Variants in LRRC53 observed in about 807,000 individuals in gnomAD.
LRRC53 encodes the protein leucine rich repeat containing 53, also known as leucine-rich repeat-containing protein 53.
A neutral mutation model predicts 13.6 loss-of-function variants in LRRC53; 25 were observed. That is an observed-to-expected ratio of 1.83 (90% CI 1.34 to 2.56). The LOEUF (loss-of-function observed/expected upper bound fraction) is 2.56, where lower values mean the gene tolerates loss of function less well. LRRC53 is among the 30% of genes most tolerant of loss of function. The probability of loss-of-function intolerance (pLI) is 0.00; values close to 1 mark genes in which losing one functional copy is unlikely to be tolerated. For missense variants in LRRC53, 527 were observed against 275.8 expected (o/e 1.91, Z -6.45); for synonymous variants, 204 against 109.8 (o/e 1.86, Z -5.37).
intron 3 of LRRC53, among the ~76,000 whole-genome samples, chr1:74,478,749 C>A (rs895898159): frequency 6.6e-6 from 1 of 152,166 alleles, no homozygotes; most frequent in Non-Finnish European, 1.5e-5. Flanking sequence ...ATTGCCTATG[C>A]GTGCATCTGT....
intron 4 of LRRC53, among the ~76,000 whole-genome samples, chr1:74,473,619 G>T (rs1668046582): frequency 6.6e-6 from 1 of 151,880 alleles, no homozygotes; most frequent in Admixed American, 6.6e-5. Context: ...AGCTCCTAAG[G>T]GTGGGGATAC....
At chr1:74,484,321 C>T (rs927767560) in intron 1 of LRRC53, among the ~76,000 whole-genome samples, 13 of 152,010 alleles carry the variant, frequency 8.6e-5, no homozygotes, top group Admixed American at 6.6e-4. Flanking sequence ...TTAATTCTAT[C>T]ATTTGTTCAA....
the LRRC53 span, among the ~76,000 whole-genome samples, chr1:74,518,826 A>G: frequency 1.1e-4 from 16 of 151,456 alleles, 1 homozygote; most frequent in South Asian, 2.7e-3. Context: ...CTTCAATTTA[A>G]AACAAATTAC....
chr1:74,536,514 C>T, the LRRC53 span, among the ~76,000 whole-genome samples: 20 of 152,134 alleles, frequency 1.3e-4, 1 homozygote, highest in Admixed American at 8.5e-4. Flanking sequence ...AAAACGGTGA[C>T]TGATGATCAT....
the LRRC53 span, among the ~76,000 whole-genome samples, chr1:74,523,184 G>T: frequency 2.0e-5 from 3 of 152,204 alleles, no homozygotes; most frequent in East Asian, 5.8e-4. Flanking sequence ...TAATAATACC[G>T]ATACCACACA....
chr1:74,481,445 T>C (rs1273002737), intron 2 of LRRC53, among the ~76,000 whole-genome samples: 2 of 152,120 alleles, frequency 1.3e-5, no homozygotes, highest in Non-Finnish European at 2.9e-5. Context: ...CTCCCAAAAG[T>C]AAAGGTGCGA....
At position 74,471,192 on chromosome 1, in the gene LRRC53, A is replaced by G; in HGVS notation, c.2430T>C (p.Ser810=). 2.5e-6 allele frequency: 1 copy of G among 400,540 alleles called. No homozygotes were observed. Among genetic ancestry groups the G allele is most frequent in the East Asian group, 3.6e-5 (1 of 28,080 alleles). The allele number at this position is 400,540 out of a possible 1,614,324, so 24.8% of individuals were successfully genotyped here. ...QRNTKRAPLL[S]ANNLRVVNQS... Reference sequence around the variant, plus strand: ...GGTTGACTACACGCAAGTTGTTAGCACTGAGCAGGGGGGCACGTTTAGTGT... The same window carrying G: ...GGTTGACTACACGCAAGTTGTTAGCGCTGAGCAGGGGGGCACGTTTAGTGT... Residue 810 remains serine (S), a synonymous_variant, in exon 5 of 5, where the codon AGT becomes AGC. Transcript: ENST00000294635.
At chr1:74,491,046 TCC>T (rs1669046353) in intron 1 of LRRC53, among the ~76,000 whole-genome samples, 1 of 152,184 alleles carries the variant, frequency 6.6e-6, no homozygotes, top group South Asian at 2.1e-4. Flanking sequence ...CAAAGTGGTA[TCC>T]AGTTGTGTCT....
chr1:74,504,688 T>C (rs1669800783), intron 1 of LRRC53, among the ~76,000 whole-genome samples: 1 of 152,104 alleles, frequency 6.6e-6, no homozygotes, highest in Non-Finnish European at 1.5e-5. Flanking sequence ...AAGATTTGCA[T>C]GAAAAGAGTG....
chr1:74,491,761 T>G (rs1425042720), intron 1 of LRRC53, among the ~76,000 whole-genome samples: 4 of 152,244 alleles, frequency 2.6e-5, no homozygotes, highest in Non-Finnish European at 2.9e-5. Flanking sequence ...ATAAATCTTA[T>G]TGCCATAGTG....
At chr1:74,493,742 C>T (rs565837657) in intron 1 of LRRC53, among the ~76,000 whole-genome samples, 1 of 152,138 alleles carries the variant, frequency 6.6e-6, no homozygotes, top group African/African-American at 2.4e-5. Context: ...AATGTACTAC[C>T]TGGGGTATAT....
Position 74,493,211 on chromosome 1 carries a change from G to C in LRRC53, c.-26-9836C>G, listed in dbSNP as rs1669164585. Among the ~76,000 whole-genome samples, 3 of 152,146 alleles carry C rather than the reference G, an allele frequency of 2.0e-5. No homozygotes were observed. In the South Asian group the frequency reaches 6.2e-4, roughly 32 times the overall value. On this transcript the variant is annotated intron_variant, in intron 1 of 4. Coordinates refer to ENST00000294635, the MANE Select transcript of LRRC53 (RefSeq NM_001382280.1). Reference sequence around the variant, plus strand: ...GGGTGCTTCTAGGGGATAGGGAGGAGGGAGAAATTGGGAGTAAATGCTTAA... The same window carrying C: ...GGGTGCTTCTAGGGGATAGGGAGGACGGAGAAATTGGGAGTAAATGCTTAA...
chr1:74,512,011 G>A (rs867624457), intron 1 of LRRC53, among the ~76,000 whole-genome samples: 2 of 152,154 alleles, frequency 1.3e-5, no homozygotes, highest in African/African-American at 2.4e-5. Context: ...AAATCGGAAG[G>A]AAGAGGGCAG....
At chr1:74,504,841 C>T (rs1669810235) in intron 1 of LRRC53, among the ~76,000 whole-genome samples, 1 of 152,150 alleles carries the variant, frequency 6.6e-6, no homozygotes, top group South Asian at 2.1e-4. Flanking sequence ...AATGCACTCC[C>T]TCCTAACCCA....
In LRRC53 at chr1:74,489,255, G is replaced by T. The variant is rs1235907515; in HGVS notation, c.-26-5880C>A. 3.7e-6 allele frequency: 6 copies of T among 1,606,530 alleles called. No individual in the cohort carries two copies. Among genetic ancestry groups the T allele is most frequent in the Non-Finnish European group, 5.1e-6 (6 of 1,177,384 alleles). On this transcript the variant is annotated intron_variant, in intron 1 of 4. Coordinates refer to ENST00000294635, the MANE Select transcript of LRRC53 (RefSeq NM_001382280.1). ...GTGTCTCTGCAACATTGAGGTAAAA[G>T]CTTTAGCTTCTGAAATATGTCCATA...
intron 3 of LRRC53, among the ~76,000 whole-genome samples, chr1:74,478,721 A>G (rs1474021433): frequency 1.3e-5 from 2 of 152,168 alleles, no homozygotes; most frequent in Non-Finnish European, 2.9e-5. Flanking sequence ...TTCTAAACCT[A>G]TGTGAACCCC....
rs1408690435 is a variant in LRRC53, at chr1:74,480,752, GT to G, written c.304del (p.Thr102ProfsTer13). On this transcript the variant is annotated frameshift_variant, in exon 3 of 5. Transcript: ENST00000294635. LOFTEE classifies it high-confidence loss of function. ...QISSSSLTDH[T>X]FSKLHSLQVL... ...CTGCAGGCTGTGAAGCTTGCTGAAG[GT>G]GTGATCAGTGAGCGAAGAGCTGGAT... The G allele has an allele frequency of 1.4e-6, 1 of 717,390 alleles. No homozygotes were observed. The highest frequency in any genetic ancestry group is 1.7e-5 in the African/African-American group (1 of 57,260). 44.4% of individuals were successfully genotyped at this position (717,390 alleles called of 1,614,324 possible).
At chr1:74,508,506 C>A (rs1480893192) in intron 1 of LRRC53, among the ~76,000 whole-genome samples, 1 of 152,142 alleles carries the variant, frequency 6.6e-6, no homozygotes, top group Admixed American at 6.6e-5. Flanking sequence ...AGTTCTAGAA[C>A]TGGTGAATCT....
chr1:74,481,799 A>T (rs149071704), intron 2 of LRRC53, among the ~76,000 whole-genome samples: 13 of 152,336 alleles, frequency 8.5e-5, no homozygotes, highest in Non-Finnish European at 1.9e-4. Context: ...TATCATGCTA[A>T]CATTGTTTTG....
Sources: gnomAD v4.1 joint callset for allele counts (sites outside exome capture counted in the v4.1 genomes callset) on GRCh38, gnomAD v4.1.1 for gene constraint, MANE v1.5 for transcripts, NCBI Gene and HGNC (gene_info 2026-07-23, HGNC 2026-07-21) for gene names.